Variants in DAB1 observed in about 807,000 individuals in gnomAD.
The protein encoded by DAB1 is DAB adaptor protein 1, also known as disabled homolog 1.
A neutral mutation model predicts 64.6 loss-of-function variants in DAB1; 15 were observed. The observed-to-expected ratio is 0.23, with a 90% CI of 0.16 to 0.36. DAB1 has a LOEUF of 0.36. DAB1 is among the 10% of genes least tolerant of loss of function. DAB1 has a pLI of 1.00. For missense variants in DAB1, 596 were observed against 706.7 expected (o/e 0.84, Z 1.78); for synonymous variants, 235 against 251.9 (o/e 0.93, Z 0.64).
rs971999842 is a variant in DAB1 at position 57,418,675 on chromosome 1, T to A, written c.-137+5255A>T. 2.6e-5 allele frequency among the ~76,000 whole-genome samples: 4 copies of A among 152,336 alleles called. No homozygotes were observed. In the South Asian group the frequency reaches 6.2e-4, roughly 24 times the overall value. On this transcript the variant is annotated intron_variant, in intron 1 of 14. Transcript: ENST00000371236. ...GTCATCTCTTCTATTCAGCAGAATT[T>A]TATTTATATTTTCCTTTCTGTTTAT...
chr1:58,218,068 G>A (rs908685628), intron 4 of DAB1, among the ~76,000 whole-genome samples: 29 of 151,984 alleles, frequency 1.9e-4, no homozygotes, highest in African/African-American at 6.0e-4. Context: ...CACCTACACT[G>A]TGCAGAGTAC....
chr1:57,223,037 G>A (rs1028685788), intron 2 of DAB1, among the ~76,000 whole-genome samples: 2 of 152,152 alleles, frequency 1.3e-5, no homozygotes, highest in African/African-American at 4.8e-5. Flanking sequence ...CTTCCAGCAG[G>A]CTGACACTTC....
chr1:57,639,760 T>C (rs1020736145), intron 7 of DAB1, among the ~76,000 whole-genome samples: 6 of 152,140 alleles, frequency 3.9e-5, no homozygotes, highest in African/African-American at 1.2e-4. Context: ...TACAGTCTAA[T>C]GTACTGGAGA....
intron 9 of DAB1, among the ~76,000 whole-genome samples, chr1:57,057,700 C>T (rs553003675): frequency 5.9e-5 from 9 of 151,812 alleles, no homozygotes; most frequent in Middle Eastern, 3.4e-3. Flanking sequence ...CTCTGCCTCC[C>T]GGGTTCACAC....
chr1:57,429,243 T>C (rs1247102449), intron 7 of DAB1, among the ~76,000 whole-genome samples: 9 of 152,192 alleles, frequency 5.9e-5, no homozygotes, highest in Admixed American at 1.3e-4. Flanking sequence ...TTCGTGATAT[T>C]AAGCAACTTT....
chr1:57,584,467 C>T (rs10493230), intron 7 of DAB1, among the ~76,000 whole-genome samples: 31,940 of 152,104 alleles, frequency 0.21, 3,904 homozygotes, highest in Non-Finnish European at 0.27. Flanking sequence ...ATAGTGTGCT[C>T]CTTCCATAGC....
intron 4 of DAB1, among the ~76,000 whole-genome samples, chr1:58,284,641 T>C (rs1339240331): frequency 3.3e-5 from 5 of 152,288 alleles, no homozygotes; most frequent in African/African-American, 1.2e-4. Flanking sequence ...TTCAGTGAGA[T>C]GGAGCGTTAT....
chr1:57,193,306 C>G (rs771119099), intron 2 of DAB1, among the ~76,000 whole-genome samples: 1 of 150,628 alleles, frequency 6.6e-6, no homozygotes, highest in Admixed American at 6.6e-5. Context: ...TATCAGTGGA[C>G]TCATACAGTA....
chr1:57,583,906 C>A (rs545469040), intron 7 of DAB1, among the ~76,000 whole-genome samples: 1 of 152,122 alleles, frequency 6.6e-6, no homozygotes, highest in Admixed American at 6.5e-5. Flanking sequence ...CATGCCATTG[C>A]GGCCTTAGGG....
chr1:58,473,977 T>C (rs1379202137), intron 3 of DAB1: 1 of 1,266,218 alleles, frequency 7.9e-7, no homozygotes, highest in Admixed American at 2.3e-5. Context: ...AGCTGTCACA[T>C]GCACGTAAAT....
At chr1:58,319,852 T>A (rs2100483354) in intron 4 of DAB1, among the ~76,000 whole-genome samples, 1 of 152,336 alleles carries the variant, frequency 6.6e-6, no homozygotes, top group South Asian at 2.1e-4. Flanking sequence ...TAACTTTCTC[T>A]AATATTTCAT....
chr1:58,088,263 C>T (rs1338751366), intron 5 of DAB1, among the ~76,000 whole-genome samples: 1 of 152,176 alleles, frequency 6.6e-6, no homozygotes, highest in Non-Finnish European at 1.5e-5. Context: ...ACAGCTTTGC[C>T]TTAAGACTTT....
At chr1:57,441,306 CTTTCTTTCT>C (rs1685947339) in intron 7 of DAB1, among the ~76,000 whole-genome samples, 1 of 95,680 alleles carries the variant, frequency 1.0e-5, no homozygotes, top group Admixed American at 1.3e-4. Context: ...TTCTTTCTTT[CTTTCTTTCT>C]TTCTTCTTTC....
chr1:58,492,336 A>C (rs1267378418), intron 3 of DAB1, among the ~76,000 whole-genome samples: 2 of 152,220 alleles, frequency 1.3e-5, no homozygotes, highest in African/African-American at 2.4e-5. Flanking sequence ...TTGACACCCT[A>C]ACATCACAAT....
intron 3 of DAB1, among the ~76,000 whole-genome samples, chr1:58,380,504 G>A (rs1250888247): frequency 1.3e-5 from 2 of 152,338 alleles, no homozygotes; most frequent in South Asian, 4.1e-4. Context: ...GCCCTGGATT[G>A]TTGCATGAGA....
chr1:58,083,481 G>A (rs1010119029), intron 5 of DAB1, among the ~76,000 whole-genome samples: 3 of 152,184 alleles, frequency 2.0e-5, no homozygotes, highest in African/African-American at 7.2e-5. Context: ...ATAATGGAAT[G>A]GACAAAGGAC....
At chr1:57,935,849 G>T (rs1323625622) in intron 5 of DAB1, among the ~76,000 whole-genome samples, 1 of 152,190 alleles carries the variant, frequency 6.6e-6, no homozygotes, top group Non-Finnish European at 1.5e-5. Flanking sequence ...AAATGCTGGG[G>T]ACTACTCTGC....
At chr1:58,328,394 G>A (rs1662889117) in intron 4 of DAB1, among the ~76,000 whole-genome samples, 2 of 152,198 alleles carry the variant, frequency 1.3e-5, no homozygotes, top group South Asian at 4.1e-4. Flanking sequence ...CCTCCGCACT[G>A]TCCCCTTCCT....
At chr1:57,643,030 A>G (rs1325610030) in intron 7 of DAB1, among the ~76,000 whole-genome samples, 1 of 152,172 alleles carries the variant, frequency 6.6e-6, no homozygotes, top group Non-Finnish European at 1.5e-5. Flanking sequence ...ACAGCCAGCT[A>G]TTTCTTCAAC....
Sources: allele counts gnomAD v4.1 joint callset (sites outside exome capture counted in the v4.1 genomes callset), GRCh38; gene constraint gnomAD v4.1.1; transcripts MANE v1.5; gene names NCBI Gene and HGNC (gene_info 2026-07-23, HGNC 2026-07-21).